SLC14A2: variants seen among roughly 807,000 people sequenced by gnomAD.
The protein encoded by SLC14A2 is urea transporter 2.
In SLC14A2, 91 loss-of-function variants were observed where a neutral mutation model predicts 104.6. That is an observed-to-expected ratio of 0.87 (90% CI 0.73 to 1.04). The LOEUF (loss-of-function observed/expected upper bound fraction) is 1.04. Ranked by LOEUF, SLC14A2 falls within the 50% of genes least tolerant of loss-of-function variation. SLC14A2 has a pLI of 0.00. For synonymous variants in SLC14A2, 476 were observed against 466.4 expected (o/e 1.02, Z -0.27); for missense variants, 1,189 against 1,156.0 (o/e 1.03, Z -0.41).
rs773413131 is a variant in SLC14A2 at position 45,666,929 on chromosome 18, G to A, written c.1558-6G>A. The stretch of plus-strand genomic sequence containing the variant: ...GGAGACTCTTGCCTATCTCTGTCCT[G>A]GACAGGATCTGGACACCATGGAGGA... On this transcript the variant is annotated splice_region_variant and splice_polypyrimidine_tract_variant and intron_variant, in intron 12 of 19. Transcript: ENST00000255226. The A allele has an allele frequency of 6.2e-7, 1 of 1,613,222 alleles. No homozygotes were observed. Among genetic ancestry groups the A allele is most frequent in the East Asian group, 2.2e-5 (1 of 44,876 alleles).
the SLC14A2 span, among the ~76,000 whole-genome samples, chr18:45,203,170 C>T: frequency 0.13 from 19,092 of 152,166 alleles, 1,483 homozygotes; most frequent in Middle Eastern, 0.22. Context: ...GACAGACCCA[C>T]GTTAGTGCTG....
rs1555666345 is a variant in SLC14A2, at chr18:45,235,929, A to ATGTATATATACATATATGTG, written c.-125+22748_-125+22767dup. Among the ~76,000 whole-genome samples the ATGTATATATACATATATGTG allele has an allele frequency of 1.5e-3, 168 of 110,228 alleles. 32 individuals are homozygous for ATGTATATATACATATATGTG. Among genetic ancestry groups the ATGTATATATACATATATGTG allele is most frequent in the African/African-American group, 6.5e-3 (160 of 24,628 alleles). 72.3% of individuals were successfully genotyped at this position (110,228 alleles called of 152,430 possible). On this transcript the variant is annotated intron_variant, in intron 1 of 20. Coordinates refer to the SLC14A2 transcript ENST00000586448. ...TATATATACATATATGTGTGTATAT[A>ATGTATATATACATATATGTG]TGTATATATACATATATGTGTGTAT...
chr18:45,606,980 T>C (rs955221470), intron 2 of SLC14A2, among the ~76,000 whole-genome samples: 1 of 152,202 alleles, frequency 6.6e-6, no homozygotes, highest in African/African-American at 2.4e-5. Context: ...TCCTCAAGGC[T>C]ACAGACATTG....
At chr18:45,385,522 C>T (rs2085885964) in intron 1 of SLC14A2, among the ~76,000 whole-genome samples, 1 of 152,116 alleles carries the variant, frequency 6.6e-6, no homozygotes, top group Admixed American at 6.5e-5. Flanking sequence ...GGATTGAAAA[C>T]ACAATAGAGG....
chr18:45,668,204 T>C lies in SLC14A2; in HGVS notation c.1908-145T>C, dbSNP rs1224074288. ...AGAGAAATATGAAGGATTCATAGGGTTGTCTTCCTTCCCCACTCCCAGAAG... is the reference window on the plus strand; with the variant it reads ...AGAGAAATATGAAGGATTCATAGGGCTGTCTTCCTTCCCCACTCCCAGAAG... On this transcript the variant is annotated intron_variant, in intron 14 of 19. Coordinates refer to ENST00000255226, the MANE Select transcript of SLC14A2 (RefSeq NM_007163.4). The C allele has an allele frequency of 3.4e-6, 4 of 1,188,862 alleles. No homozygotes were observed. The African/African-American group carries it at 6.1e-5, about 18-fold the overall frequency. The allele number at this position is 1,188,862 out of a possible 1,614,324, so 73.6% of individuals were successfully genotyped here. A position where few individuals can be genotyped will look rare whatever the true frequency, so the allele number is the denominator to read the frequency against.
chr18:45,538,679 T>C (rs2043835741), intron 2 of SLC14A2, among the ~76,000 whole-genome samples: 2 of 152,080 alleles, frequency 1.3e-5, no homozygotes, highest in African/African-American at 4.8e-5. Flanking sequence ...TGACATACCA[T>C]CACTCTGCCA....
chr18:45,254,516 C>G (rs572839583), intron 1 of SLC14A2, among the ~76,000 whole-genome samples: 23 of 152,298 alleles, frequency 1.5e-4, no homozygotes, highest in African/African-American at 5.5e-4. Context: ...AACCATCCAA[C>G]TGCACAATTT....
chr18:45,360,114 A>G (rs1180901294), intron 1 of SLC14A2, among the ~76,000 whole-genome samples: 2 of 152,122 alleles, frequency 1.3e-5, no homozygotes, highest in Non-Finnish European at 2.9e-5. Context: ...CTTCCCAGTA[A>G]AAGCTCCTCT....
chr18:45,496,547 C>T (rs895453383), intron 2 of SLC14A2, among the ~76,000 whole-genome samples: 4 of 152,194 alleles, frequency 2.6e-5, no homozygotes, highest in South Asian at 2.1e-4. Flanking sequence ...GAGGCAGGCA[C>T]TTGAGGTCAG....
chr18:45,378,730 T>A (rs141467109), intron 1 of SLC14A2, among the ~76,000 whole-genome samples: 1 of 152,358 alleles, frequency 6.6e-6, no homozygotes, highest in Non-Finnish European at 1.5e-5. Flanking sequence ...CTGGAACACA[T>A]AAATGCTCAA....
chr18:45,476,578 CCAA>C (rs2087384881), intron 1 of SLC14A2, among the ~76,000 whole-genome samples: 6 of 152,146 alleles, frequency 3.9e-5, no homozygotes, highest in Admixed American at 3.9e-4. Flanking sequence ...AGAGTGTTTT[CCAA>C]CTTGGTTCCA....
chr18:45,326,208 G>T (rs190017037), intron 1 of SLC14A2, among the ~76,000 whole-genome samples: 1 of 152,178 alleles, frequency 6.6e-6, no homozygotes, highest in Non-Finnish European at 1.5e-5. Flanking sequence ...GTAAGAGATG[G>T]TCTGTCCAAA....
At chr18:45,204,193 C>T in the SLC14A2 span, among the ~76,000 whole-genome samples, 1 of 152,120 alleles carries the variant, frequency 6.6e-6, no homozygotes, top group Non-Finnish European at 1.5e-5. Flanking sequence ...CCAAGAGTTC[C>T]AACAAGTTTA....
At chr18:45,184,463 T>C in the SLC14A2 span, among the ~76,000 whole-genome samples, 1 of 152,242 alleles carries the variant, frequency 6.6e-6, no homozygotes, top group East Asian at 1.9e-4. Context: ...AATGAAGAAG[T>C]GGCTTGTGCA....
At chr18:45,504,547 T>C (rs771286387) in intron 2 of SLC14A2, among the ~76,000 whole-genome samples, 13 of 152,228 alleles carry the variant, frequency 8.5e-5, no homozygotes, top group Admixed American at 5.2e-4. Flanking sequence ...GCTTCTGTTG[T>C]CAAAACTAAT....
intron 1 of SLC14A2, among the ~76,000 whole-genome samples, chr18:45,233,498 G>C (rs1465690396): frequency 2.6e-5 from 4 of 152,160 alleles, no homozygotes; most frequent in African/African-American, 7.2e-5. Flanking sequence ...AAACAAAAAA[G>C]TCCCCTATTT....
chr18:45,393,624 T>G (rs1016075860), intron 1 of SLC14A2, among the ~76,000 whole-genome samples: 10 of 152,094 alleles, frequency 6.6e-5, no homozygotes, highest in Non-Finnish European at 1.3e-4. Flanking sequence ...CTCTTGAGAG[T>G]AACGCAAGCA....
chr18:45,579,216 C>T (rs1186802124), intron 2 of SLC14A2, among the ~76,000 whole-genome samples: 1 of 152,200 alleles, frequency 6.6e-6, no homozygotes, highest in African/African-American at 2.4e-5. Context: ...ATAGATTACA[C>T]CTCTTGATAA....
At chr18:45,618,695 A>T (rs2045114353) in intron 1 of SLC14A2, among the ~76,000 whole-genome samples, 1 of 150,354 alleles carries the variant, frequency 6.7e-6, no homozygotes, top group Non-Finnish European at 1.5e-5. Flanking sequence ...AAAAAAAAAA[A>T]AAAGAAGTAG....
Sources: allele counts gnomAD v4.1 joint callset (sites outside exome capture counted in the v4.1 genomes callset), GRCh38; gene constraint gnomAD v4.1.1; transcripts MANE v1.5; gene names NCBI Gene and HGNC (gene_info 2026-07-23, HGNC 2026-07-21).